Variants in KCNMB2 observed in about 807,000 individuals in gnomAD.
KCNMB2 encodes the protein calcium-activated potassium channel subunit beta-2.
In KCNMB2, 9 loss-of-function variants were observed where a neutral mutation model predicts 24.5. That is an observed-to-expected ratio of 0.37 (90% CI 0.22 to 0.64). The LOEUF (loss-of-function observed/expected upper bound fraction) is 0.64. Among genes scored for constraint, KCNMB2 ranks in the 30% least tolerant of loss-of-function variants. The probability of loss-of-function intolerance (pLI) is 0.63; values close to 1 mark genes in which losing one functional copy is unlikely to be tolerated. For synonymous variants in KCNMB2, 109 were observed against 104.4 expected (o/e 1.04, Z -0.27); for missense variants, 226 against 284.3 (o/e 0.79, Z 1.47).
chr3:178,754,543 G>A (rs1350960108), intron 1 of KCNMB2, among the ~76,000 whole-genome samples: 1 of 152,126 alleles, frequency 6.6e-6, no homozygotes. Flanking sequence ...GAAAGACTCT[G>A]TTCAGTTGGA....
intron 1 of KCNMB2, among the ~76,000 whole-genome samples, chr3:178,727,990 T>G (rs947031943): frequency 6.6e-6 from 1 of 152,220 alleles, no homozygotes; most frequent in African/African-American, 2.4e-5. Context: ...GATTTCATAT[T>G]CTTATTTATC....
intron 1 of KCNMB2, among the ~76,000 whole-genome samples, chr3:178,617,975 A>C (rs1027593713): frequency 6.6e-6 from 1 of 151,960 alleles, no homozygotes; most frequent in African/African-American, 2.4e-5. Context: ...ATTTCATTGT[A>C]GATATGCCTA....
At position 178,803,251 on chromosome 3, in the gene KCNMB2, A is replaced by T. The variant is rs564167606; in HGVS notation, c.-67-4092A>T. 3.9e-5 allele frequency among the ~76,000 whole-genome samples: 6 copies of T among 152,330 alleles called. No homozygotes were observed. In the South Asian group the frequency reaches 1.2e-3, roughly 32 times the overall value. On this transcript the variant is annotated intron_variant, in intron 1 of 4. Coordinates refer to ENST00000452583, the MANE Select transcript of KCNMB2 (RefSeq NM_181361.3). ...ATGGCCCCATCTGCTGCTCTCACTT[A>T]TCTTTTCATCAGGCCATGTTGCCCT...
chr3:178,562,017 G>A (rs765079023), intron 1 of KCNMB2, among the ~76,000 whole-genome samples: 2 of 152,194 alleles, frequency 1.3e-5, no homozygotes, highest in African/African-American at 2.4e-5. Flanking sequence ...AAGACTTACT[G>A]TACTTACAAT....
At chr3:178,710,611 C>T (rs1284276858) in intron 1 of KCNMB2, among the ~76,000 whole-genome samples, 1 of 151,958 alleles carries the variant, frequency 6.6e-6, no homozygotes. Context: ...TCAGAGGTTT[C>T]CCCCACTCAT....
chr3:178,625,507 G>T (rs562092224), intron 1 of KCNMB2, among the ~76,000 whole-genome samples: 2 of 152,248 alleles, frequency 1.3e-5, no homozygotes, highest in Non-Finnish European at 2.9e-5. Flanking sequence ...CAGGTGAGGG[G>T]AGAAGAGGGG....
intron 1 of KCNMB2, among the ~76,000 whole-genome samples, chr3:178,774,354 G>A (rs1371352927): frequency 6.6e-6 from 1 of 152,204 alleles, no homozygotes; most frequent in South Asian, 2.1e-4. Flanking sequence ...GACAGGATAG[G>A]AAACATATCT....
intron 1 of KCNMB2, among the ~76,000 whole-genome samples, chr3:178,540,382 A>G (rs971937382): frequency 6.6e-6 from 1 of 152,088 alleles, no homozygotes; most frequent in African/African-American, 2.4e-5. Flanking sequence ...CACACGTTCT[A>G]TTCTCTACCC....
intron 1 of KCNMB2, among the ~76,000 whole-genome samples, chr3:178,766,803 T>G (rs985817536): frequency 6.6e-6 from 1 of 152,220 alleles, no homozygotes; most frequent in African/African-American, 2.4e-5. Context: ...GATATAATTT[T>G]AGAGAGTAAT....
At chr3:178,558,440 G>A (rs1716200121) in intron 1 of KCNMB2, among the ~76,000 whole-genome samples, 2 of 152,118 alleles carry the variant, frequency 1.3e-5, no homozygotes. Context: ...CTCTGGGCCT[G>A]GGGTTTTTTA....
At chr3:178,677,269 A>G (rs975962254) in intron 1 of KCNMB2, among the ~76,000 whole-genome samples, 1 of 152,194 alleles carries the variant, frequency 6.6e-6, no homozygotes, top group Non-Finnish European at 1.5e-5. Flanking sequence ...TAACCTCTAC[A>G]TATTTATATC....
At chr3:178,622,685 C>G (rs73042336) in intron 1 of KCNMB2, among the ~76,000 whole-genome samples, 26,193 of 152,144 alleles carry the variant, frequency 0.17, 2,305 homozygotes, top group East Asian at 0.24. Context: ...AACCTCTCTA[C>G]CTGCTGCTTC....
At chr3:178,701,289 G>T (rs1722082809) in intron 1 of KCNMB2, among the ~76,000 whole-genome samples, 2 of 152,124 alleles carry the variant, frequency 1.3e-5, no homozygotes, top group East Asian at 3.9e-4. Flanking sequence ...TTATTTCTGA[G>T]GGCTCTGTTC....
intron 1 of KCNMB2, among the ~76,000 whole-genome samples, chr3:178,687,269 T>C (rs752870274): frequency 6.6e-6 from 1 of 152,152 alleles, no homozygotes; most frequent in East Asian, 1.9e-4. Context: ...ATGAACTGCA[T>C]GAACAATTCA....
rs1381579907 is a variant in KCNMB2 at position 178,843,897 on chromosome 3, T to C, written c.*960T>C. On this transcript the variant is annotated 3_prime_UTR_variant, in exon 5 of 5. Transcript: ENST00000452583. Reference sequence around the variant, plus strand: ...GTGAATTTGTGCTTAAGTCAATGAATGTGTAGTATCTCCTTCTGACAAGCA... The same window carrying C: ...GTGAATTTGTGCTTAAGTCAATGAACGTGTAGTATCTCCTTCTGACAAGCA... 6.6e-6 allele frequency: 1 copy of C among 152,220 alleles called. No homozygotes were observed. The highest frequency in any genetic ancestry group is 1.5e-5 in the Non-Finnish European group (1 of 68,006). The allele number at this position is 152,220 out of a possible 1,614,324, so 9.4% of individuals were successfully genotyped here.
Position 178,807,324 on chromosome 3 carries a change from C to T in KCNMB2, c.-67-19C>T. ...GAGAGCTATTTGTTGCTGTTAACTTCATTGTGTACCTCTTCTAGGTCTTTT... is the reference window on the plus strand; with the variant it reads ...GAGAGCTATTTGTTGCTGTTAACTTTATTGTGTACCTCTTCTAGGTCTTTT... On this transcript the variant is annotated intron_variant, in intron 1 of 4. Transcript: ENST00000452583. 1 of 1,085,262 alleles carries T rather than the reference C, an allele frequency of 9.2e-7. No homozygotes were observed. 67.2% of individuals were successfully genotyped at this position (1,085,262 alleles called of 1,614,324 possible).
At chr3:178,550,685 A>G (rs1335894691) in intron 1 of KCNMB2, among the ~76,000 whole-genome samples, 1 of 152,172 alleles carries the variant, frequency 6.6e-6, no homozygotes, top group Non-Finnish European at 1.5e-5. Flanking sequence ...AAGAAGGAAC[A>G]TCAGTATTAG....
At chr3:178,571,379 A>G (rs1716774367) in intron 1 of KCNMB2, among the ~76,000 whole-genome samples, 1 of 149,610 alleles carries the variant, frequency 6.7e-6, no homozygotes, top group Non-Finnish European at 1.5e-5. Context: ...TATATGGTGA[A>G]TAAATAAATA....
intron 1 of KCNMB2, among the ~76,000 whole-genome samples, chr3:178,562,503 C>T (rs1289803060): frequency 2.0e-5 from 3 of 152,194 alleles, no homozygotes; most frequent in Admixed American, 6.5e-5. Flanking sequence ...AGAAAAGAAA[C>T]TTGGAGGGAA....
Sources: allele counts gnomAD v4.1 joint callset (sites outside exome capture counted in the v4.1 genomes callset), GRCh38; gene constraint gnomAD v4.1.1; transcripts MANE v1.5; gene names NCBI Gene and HGNC (gene_info 2026-07-23, HGNC 2026-07-21).